Variants in LIMS1 observed in about 807,000 individuals in gnomAD.
The protein encoded by LIMS1 is LIM and senescent cell antigen-like-containing domain protein 1.
In LIMS1, 18 loss-of-function variants were observed where a neutral mutation model predicts 44.1. That is an observed-to-expected ratio of 0.41 (90% CI 0.28 to 0.61). The LOEUF (loss-of-function observed/expected upper bound fraction) is 0.61, where lower values mean the gene tolerates loss of function less well. LIMS1 is among the 20% of genes least tolerant of loss of function. The pLI is 0.32. For synonymous variants in LIMS1, 93 were observed against 149.1 expected (o/e 0.62, Z 2.74); for missense variants, 201 against 422.0 (o/e 0.48, Z 4.59).
intron 1 of LIMS1, among the ~76,000 whole-genome samples, chr2:108,608,122 C>T (rs573619275): frequency 6.6e-6 from 1 of 152,272 alleles, no homozygotes; most frequent in South Asian, 2.1e-4. Flanking sequence ...AATCACATTC[C>T]CTCCTCCTGT....
intron 1 of LIMS1, among the ~76,000 whole-genome samples, chr2:108,639,325 A>T (rs1049253188): frequency 2.0e-5 from 3 of 152,220 alleles, no homozygotes; most frequent in Non-Finnish European, 4.4e-5. Flanking sequence ...TCATCCAGAA[A>T]ATCGTATGTC....
chr2:108,676,898 C>G, intron 7 of LIMS1, 200 bp downstream of exon 7: 1 of 574,222 alleles, frequency 1.7e-6, no homozygotes, highest in Non-Finnish European at 2.9e-6. Flanking sequence ...TCATTCAAGT[C>G]CACAGTTTGC....
intron 1 of LIMS1, among the ~76,000 whole-genome samples, chr2:108,658,794 C>G (rs199964109): frequency 0.11 from 14,626 of 137,256 alleles, no homozygotes; most frequent in African/African-American, 0.26. Flanking sequence ...ACCTATGAAA[C>G]GTGGTGGTAT....
intron 1 of LIMS1, among the ~76,000 whole-genome samples, chr2:108,631,194 A>G (rs1230019718): frequency 2.0e-5 from 3 of 152,206 alleles, no homozygotes; most frequent in South Asian, 4.1e-4. Context: ...TTTATTTTCT[A>G]TACCTTTACT....
At position 108,621,703 on chromosome 2, in the gene LIMS1, GTGT is replaced by G. The variant is rs202200581; in HGVS notation, c.33-37897_33-37895del. ...GTTTTACCCCTTCTCCAAACCTACAGTGTTGTTATGTCTTTAAAAATTATATAA... is the reference window on the plus strand; with the variant it reads ...GTTTTACCCCTTCTCCAAACCTACAGTGTTATGTCTTTAAAAATTATATAA... On this transcript the variant is annotated intron_variant, in intron 1 of 9. Coordinates refer to ENST00000544547, the Ensembl canonical transcript of LIMS1. Among the ~76,000 whole-genome samples, 638 of 152,232 alleles carry G rather than the reference GTGT, an allele frequency of 4.2e-3. 6 individuals carry two copies. Among genetic ancestry groups the G allele is most frequent in the East Asian group, 0.039 (204 of 5,184 alleles).
chr2:108,617,156 C>G (rs1687973250), intron 1 of LIMS1, among the ~76,000 whole-genome samples: 1 of 152,166 alleles, frequency 6.6e-6, no homozygotes. Context: ...TTGCAGCTTT[C>G]TTAACTCTGT....
At chr2:108,570,732 G>A (rs1020818370) in intron 1 of LIMS1, among the ~76,000 whole-genome samples, 1 of 152,172 alleles carries the variant, frequency 6.6e-6, no homozygotes, top group African/African-American at 2.4e-5. Context: ...GTTAGCAAGG[G>A]AGAGCCCTGG....
chr2:108,686,347 G>T (rs1383257737), exon 10 of LIMS1: 1 of 151,754 alleles, frequency 6.6e-6, no homozygotes, highest in Non-Finnish European at 1.5e-5. Context: ...AATTATGAAT[G>T]AGTATTTTCT....
intron 1 of LIMS1, 101 bp downstream of exon 1, chr2:108,534,695 C>G (rs1367511109): frequency 2.2e-5 from 15 of 674,100 alleles, no homozygotes; most frequent in Non-Finnish European, 2.4e-5. Flanking sequence ...GGCGGCCGGG[C>G]TTTCCCCGCG....
At chr2:108,613,390 G>C (rs1212998195) in intron 1 of LIMS1, among the ~76,000 whole-genome samples, 1 of 152,182 alleles carries the variant, frequency 6.6e-6, no homozygotes, top group Non-Finnish European at 1.5e-5. Context: ...AGTTCACCAG[G>C]TCTGTTTGTT....
chr2:108,554,307 T>G (rs1447906737), intron 1 of LIMS1, among the ~76,000 whole-genome samples: 2 of 152,182 alleles, frequency 1.3e-5, no homozygotes, highest in Non-Finnish European at 2.9e-5. Flanking sequence ...CCTTTACATC[T>G]TCTTCAGTAT....
chr2:108,632,325 T>C (rs1472196821), intron 1 of LIMS1, among the ~76,000 whole-genome samples: 1 of 152,176 alleles, frequency 6.6e-6, no homozygotes, highest in African/African-American at 2.4e-5. Context: ...AAGCAGAAAG[T>C]TAATTGCTTT....
At chr2:108,566,632 T>C (rs1319923381) in intron 1 of LIMS1, among the ~76,000 whole-genome samples, 4 of 152,106 alleles carry the variant, frequency 2.6e-5, no homozygotes, top group African/African-American at 9.7e-5. Context: ...GTTTCGCTCT[T>C]GTCACCCAGG....
At chr2:108,679,432 A>T (rs1024289768) in intron 8 of LIMS1, among the ~76,000 whole-genome samples, 34 of 152,120 alleles carry the variant, frequency 2.2e-4, no homozygotes, top group Admixed American at 7.9e-4. Context: ...GTGAGCCAAG[A>T]TCACACCATT....
intron 1 of LIMS1, among the ~76,000 whole-genome samples, chr2:108,656,358 C>G (rs1690847395): frequency 6.7e-6 from 1 of 150,142 alleles, no homozygotes; most frequent in Admixed American, 6.6e-5. Context: ...TAGATACTCC[C>G]CCACTTACAT....
chr2:108,576,784 G>T (rs76460335), intron 1 of LIMS1, among the ~76,000 whole-genome samples: 6 of 152,106 alleles, frequency 3.9e-5, no homozygotes, highest in African/African-American at 1.4e-4. Context: ...CAGTCTCAGA[G>T]GTTATAATCT....
At chr2:108,676,519 T>A in intron 6 of LIMS1, 87 bp from the exon 7 acceptor site, 1 of 1,471,328 alleles carries the variant, frequency 6.8e-7, no homozygotes, top group East Asian at 2.5e-5. Context: ...TCCTTCATCT[T>A]CTCTGAAAAT....
intron 1 of LIMS1, among the ~76,000 whole-genome samples, chr2:108,610,365 AAT>A (rs780477261): frequency 1.3e-5 from 2 of 152,070 alleles, no homozygotes; most frequent in Non-Finnish European, 2.9e-5. Flanking sequence ...TTTTCATTCT[AAT>A]ATAAAAATAG....
At chr2:108,593,065 C>A (rs1172364254) in intron 1 of LIMS1, among the ~76,000 whole-genome samples, 1 of 152,146 alleles carries the variant, frequency 6.6e-6, no homozygotes, top group Non-Finnish European at 1.5e-5. Context: ...ATTGCTGGGT[C>A]ATGTGGTAAT....
Sources: gnomAD v4.1 joint callset for allele counts (sites outside exome capture counted in the v4.1 genomes callset) on GRCh38, gnomAD v4.1.1 for gene constraint, MANE v1.5 for transcripts, NCBI Gene and HGNC (gene_info 2026-07-23, HGNC 2026-07-21) for gene names.